Variants in ANHX observed in about 807,000 individuals in gnomAD.
ANHX encodes anomalous homeobox protein.
A neutral mutation model predicts 38.9 loss-of-function variants in ANHX; 20 were observed. The observed-to-expected ratio is 0.51, with a 90% CI of 0.36 to 0.75. The LOEUF (loss-of-function observed/expected upper bound fraction) is 0.75. ANHX is among the 30% of genes least tolerant of loss of function. The pLI is 0.00. For synonymous variants in ANHX, 185 were observed against 203.1 expected, an observed-to-expected ratio of 0.91 and a Z score of 0.76; for missense variants, 475 against 493.1, an observed-to-expected ratio of 0.96 and a Z score of 0.35.
At chr12:133,230,163 T>G (rs2135570643) in intron 3 of ANHX, among the ~76,000 whole-genome samples, 1 of 152,306 alleles carries the variant, frequency 6.6e-6, no homozygotes, top group South Asian at 2.1e-4. Flanking sequence ...CAATGTCAGT[T>G]CCATGGAGGC....
At chr12:133,232,091 C>G (rs187192822) in intron 2 of ANHX, among the ~76,000 whole-genome samples, 221 of 152,242 alleles carry the variant, frequency 1.5e-3, no homozygotes, top group African/African-American at 5.0e-3. Flanking sequence ...CCACATGGTG[C>G]GATTTGAGGG....
chr12:133,233,933 C>T (rs770960211), intron 2 of ANHX, among the ~76,000 whole-genome samples, 175 bp downstream of exon 2: 25 of 152,192 alleles, frequency 1.6e-4, no homozygotes, highest in Non-Finnish European at 3.5e-4. Context: ...AATGTGAGAG[C>T]GGAGTAAGGT....
intron 7 of ANHX, among the ~76,000 whole-genome samples, chr12:133,222,455 A>G (rs887524892): frequency 2.6e-5 from 4 of 152,138 alleles, no homozygotes; most frequent in Non-Finnish European, 4.4e-5. Context: ...TAGACAGAAC[A>G]AAGGAGTTCG....
At chr12:133,232,088 G>T (rs1957286365) in intron 2 of ANHX, among the ~76,000 whole-genome samples, 2 of 152,168 alleles carry the variant, frequency 1.3e-5, no homozygotes, top group East Asian at 3.9e-4. Flanking sequence ...TAACCACATG[G>T]TGCGATTTGA....
rs1957182018 is a variant in ANHX at position 133,225,846 on chromosome 12, C to T, written c.840-18G>A. Among the ~76,000 whole-genome samples the T allele has an allele frequency of 6.6e-6, 1 of 152,184 alleles. No homozygotes were observed. Among genetic ancestry groups the T allele is most frequent in the Non-Finnish European group, 1.5e-5 (1 of 68,028 alleles). On this transcript the variant is annotated intron_variant, in intron 6 of 9. Coordinates refer to ENST00000545940, the MANE Select transcript of ANHX (RefSeq NM_001372060.1). ...GCAGAGACCTGGGGGACATGGAGAACACTGTCTCTTGGTGGGCAGAGCCTC... is the reference window on the plus strand; with the variant it reads ...GCAGAGACCTGGGGGACATGGAGAATACTGTCTCTTGGTGGGCAGAGCCTC...
At chr12:133,223,164 G>A (rs901248908) in intron 7 of ANHX, among the ~76,000 whole-genome samples, 5 of 150,804 alleles carry the variant, frequency 3.3e-5, no homozygotes, top group Non-Finnish European at 7.4e-5. Context: ...ACTCCAGCCT[G>A]GGCAACAAGA....
intron 3 of ANHX, among the ~76,000 whole-genome samples, chr12:133,229,978 A>G (rs1441666734): frequency 6.6e-6 from 1 of 152,208 alleles, no homozygotes; most frequent in Non-Finnish European, 1.5e-5. Context: ...TGGCTGACAC[A>G]TCACCATACT....
Position 133,221,358 on chromosome 12 carries a change from T to A in ANHX, c.1133-6A>T. The A allele has an allele frequency of 6.5e-7, 1 of 1,533,532 alleles. No homozygotes were observed. Among genetic ancestry groups the A allele is most frequent in the South Asian group, 1.2e-5 (1 of 83,860 alleles). The allele number at this position is 1,533,532 out of a possible 1,614,324, so 95.0% of individuals were successfully genotyped here. A position where few individuals can be genotyped will look rare whatever the true frequency, so the allele number is the denominator to read the frequency against. ...GCTGGGGGGGCCAGAAAACCCTGCA[T>A]GTAATGAGATTCCACGGCACACTGG... On this transcript the variant is annotated splice_region_variant and splice_polypyrimidine_tract_variant and intron_variant, in intron 7 of 9. Coordinates refer to ENST00000545940, the MANE Select transcript of ANHX (RefSeq NM_001372060.1). The surrounding 1 kb of genome is among the most constrained non-coding windows in gnomAD (Gnocchi z 4.1).
chr12:133,220,630 A>G (rs1164549711), intron 8 of ANHX, among the ~76,000 whole-genome samples: 1 of 152,148 alleles, frequency 6.6e-6, no homozygotes, highest in African/African-American at 2.4e-5. Flanking sequence ...GCCCTAGTGT[A>G]GAGAGGATGG....
intron 5 of ANHX, among the ~76,000 whole-genome samples, 157 bp downstream of exon 5, chr12:133,226,779 G>T (rs1340134245): frequency 2.0e-5 from 3 of 152,124 alleles, no homozygotes; most frequent in Non-Finnish European, 2.9e-5. Flanking sequence ...TTGAGCCTCA[G>T]ACCTCGGACC....
chr12:133,220,279 C>A (rs182769446), intron 8 of ANHX, among the ~76,000 whole-genome samples: 2 of 152,132 alleles, frequency 1.3e-5, no homozygotes, highest in East Asian at 1.9e-4. Context: ...GCCTTCAGAT[C>A]GGAACAGGGA....
intron 4 of ANHX, 81 bp downstream of exon 4, chr12:133,227,743 G>A: frequency 6.7e-7 from 1 of 1,490,654 alleles, no homozygotes; most frequent in South Asian, 1.3e-5. Context: ...CCACTGAGGA[G>A]CCTGGGGTGG....
intron 7 of ANHX, among the ~76,000 whole-genome samples, chr12:133,222,204 C>A (rs1396905619): frequency 6.6e-6 from 1 of 152,226 alleles, no homozygotes; most frequent in Non-Finnish European, 1.5e-5. Flanking sequence ...CTAGTTTGGA[C>A]ATTCTAGTTC....
chr12:133,224,761 C>T (rs566167366), intron 7 of ANHX, among the ~76,000 whole-genome samples: 5 of 149,420 alleles, frequency 3.3e-5, no homozygotes, highest in Non-Finnish European at 5.9e-5. Flanking sequence ...GTCAGGAGAT[C>T]AAGACCATCC....
In ANHX at chr12:133,220,002, G is replaced by A. The variant is rs571795054; in HGVS notation, c.1281-635C>T. On this transcript the variant is annotated intron_variant, in intron 8 of 9. Transcript: ENST00000545940. The stretch of plus-strand genomic sequence containing the variant: ...GGAAGCCAGACCACAGCAAAACAAA[G>A]ACCCGAAAATATACCGTATTTACAT... Among the ~76,000 whole-genome samples, 11 of 152,286 alleles carry A rather than the reference G, an allele frequency of 7.2e-5. No homozygotes were observed. The South Asian group carries it at 1.7e-3, about 23-fold the overall frequency.
chr12:133,224,889 C>G (rs1957167108), intron 7 of ANHX, among the ~76,000 whole-genome samples: 1 of 149,748 alleles, frequency 6.7e-6, no homozygotes, highest in Non-Finnish European at 1.5e-5. Flanking sequence ...ATGGCGTGAA[C>G]CTGGGAGGAG....
rs1957109516 is a variant in ANHX at position 133,221,594 on chromosome 12, A to C, written c.1133-242T>G. Among the ~76,000 whole-genome samples the C allele has an allele frequency of 6.6e-6, 1 of 152,074 alleles. No homozygotes were observed. Among genetic ancestry groups the C allele is most frequent in the Non-Finnish European group, 1.5e-5 (1 of 67,998 alleles). ...GACCAAGACACGGTTGCTTCTGCTG[A>C]CTTTAAATGCTGCTGTCATCGCAGA... is the stretch of plus-strand genomic sequence containing the variant. On this transcript the variant is annotated intron_variant, in intron 7 of 9. Transcript: ENST00000545940. The surrounding 1 kb of genome is among the most constrained non-coding windows in gnomAD (Gnocchi z 4.1).
intron 5 of ANHX, 112 bp from the exon 6 acceptor site, chr12:133,226,550 TC>T: frequency 7.2e-7 from 1 of 1,395,958 alleles, no homozygotes; most frequent in Non-Finnish European, 9.4e-7. Flanking sequence ...CATGGGGCCA[TC>T]CCAATGTTTT....
At chr12:133,219,434 AGCT>A (rs1488257517) in intron 8 of ANHX, 67 bp from the exon 9 acceptor site, 1 of 1,123,590 alleles carries the variant, frequency 8.9e-7, no homozygotes, top group Non-Finnish European at 1.2e-6. Context: ...AAATCCACCC[AGCT>A]GTGCTTTCTC....
Sources: allele counts gnomAD v4.1 joint callset (sites outside exome capture counted in the v4.1 genomes callset), GRCh38; gene constraint gnomAD v4.1.1; non-coding constraint Gnocchi (gnomAD v3.1); transcripts MANE v1.5; gene names NCBI Gene and HGNC (gene_info 2026-07-23, HGNC 2026-07-21).